Variants in SLC24A4 observed in about 807,000 individuals in gnomAD.
SLC24A4 encodes sodium/potassium/calcium exchanger 4.
Under a neutral mutation model 79.0 loss-of-function variants are expected in SLC24A4, and 53 were observed. That is an observed-to-expected ratio of 0.67 (90% CI 0.54 to 0.84). The LOEUF is 0.84. SLC24A4 is among the 40% of genes least tolerant of loss of function. The pLI is 0.00. For synonymous variants in SLC24A4, 323 were observed against 323.8 expected, an observed-to-expected ratio of 1.00 and a Z score of 0.03; for missense variants, 731 against 822.0, an observed-to-expected ratio of 0.89 and a Z score of 1.35.
chr14:92,477,266 A>G (rs1894817642), intron 12 of SLC24A4, among the ~76,000 whole-genome samples: 1 of 152,052 alleles, frequency 6.6e-6, no homozygotes, highest in South Asian at 2.1e-4. Context: ...CCTAATGACC[A>G]TTTTCTTTGG....
chr14:92,475,111 T>C (rs2139903600), intron 12 of SLC24A4, among the ~76,000 whole-genome samples: 1 of 152,026 alleles, frequency 6.6e-6, no homozygotes, highest in East Asian at 1.9e-4. Context: ...GTCCCCAGTG[T>C]ACTGTTGTCA....
At chr14:92,366,781 G>A (rs1595171312) in intron 2 of SLC24A4, among the ~76,000 whole-genome samples, 1 of 152,168 alleles carries the variant, frequency 6.6e-6, no homozygotes, top group African/African-American at 2.4e-5. Context: ...ATGTTTTTCT[G>A]TGGGTTTTCG....
At position 92,498,215 on chromosome 14, in the gene SLC24A4, TC is replaced by T. The variant is rs1389200080; in HGVS notation, c.*4589del. 6.6e-6 allele frequency: 1 copy of T among 152,252 alleles called. No homozygotes were observed. Among genetic ancestry groups the T allele is most frequent in the Non-Finnish European group, 1.5e-5 (1 of 68,068 alleles). 9.4% of individuals were successfully genotyped at this position (152,252 alleles called of 1,614,324 possible). A position where few individuals can be genotyped will look rare whatever the true frequency, so the allele number is the denominator to read the frequency against. On this transcript the variant is annotated 3_prime_UTR_variant, in exon 17 of 17. Coordinates refer to ENST00000532405, the MANE Select transcript of SLC24A4 (RefSeq NM_153646.4). ...AGGATTTCCTGGTCTCTGTAGCTGA[TC>T]CTGTGAGCCCCTCAAGCATGAAGCC...
rs566339478 is a variant in SLC24A4 at position 92,495,082 on chromosome 14, A to G, written c.*1454A>G. ...ACGGATGAATGTATGGGAACTACCC[A>G]TGATGATGTAAGAGGAAAGAACATT... On this transcript the variant is annotated 3_prime_UTR_variant, in exon 17 of 17. Transcript: ENST00000532405. 8 of 152,764 alleles carry G rather than the reference A, an allele frequency of 5.2e-5. No individual in the cohort carries two copies. In the South Asian group the frequency reaches 1.7e-3, roughly 32 times the overall value. 9.5% of individuals were successfully genotyped at this position (152,764 alleles called of 1,614,324 possible).
Position 92,387,126 on chromosome 14 carries a change from A to C in SLC24A4, c.242-46786A>C, listed in dbSNP as rs545085200. ...ACAGTAGGGGTGGGGTGGGGGTTCC[A>C]AGGGGGCAACTGGGCAGGGGGTACA... On this transcript the variant is annotated intron_variant, in intron 2 of 16. Coordinates refer to ENST00000532405, the MANE Select transcript of SLC24A4 (RefSeq NM_153646.4). Among the ~76,000 whole-genome samples, 653 of 149,776 alleles carry C rather than the reference A, an allele frequency of 4.4e-3. 1 individual carries two copies. The highest frequency in any genetic ancestry group is 7.4e-3 in the Non-Finnish European group (502 of 67,446).
Position 92,392,169 on chromosome 14 carries a change from A to G in SLC24A4, c.242-41743A>G, listed in dbSNP as rs144669595. Among the ~76,000 whole-genome samples, 12 of 151,462 alleles carry G rather than the reference A, an allele frequency of 7.9e-5. No individual in the cohort carries two copies. In the East Asian group the frequency reaches 2.1e-3, roughly 27 times the overall value. On this transcript the variant is annotated intron_variant, in intron 2 of 16. Transcript: ENST00000532405. ...CATTATCGGAAACTCTTTGTAGACT[A>G]TAGGTGTCTGGGGTAAGGCAGGACT...
chr14:92,380,247 T>C (rs1295256973), intron 2 of SLC24A4, among the ~76,000 whole-genome samples: 1 of 152,180 alleles, frequency 6.6e-6, no homozygotes, highest in East Asian at 1.9e-4. Flanking sequence ...TCTGTCCTCA[T>C]TAAACAGAGA....
Position 92,441,235 on chromosome 14 carries a change from A to C in SLC24A4, c.394-854A>C, listed in dbSNP as rs1434784479. On this transcript the variant is annotated intron_variant, in intron 4 of 16. Coordinates refer to ENST00000532405, the MANE Select transcript of SLC24A4 (RefSeq NM_153646.4). The surrounding 1 kb of genome is among the most constrained non-coding windows in gnomAD (Gnocchi z 4.6). ...TCCTGAGAGGCCTTCTGAGAACCGC[A>C]GAGTGGGCGCCTCCAGATTGGTTTT... Among the ~76,000 whole-genome samples, 1 of 152,168 alleles carries C rather than the reference A, an allele frequency of 6.6e-6. No individual in the cohort carries two copies. Among genetic ancestry groups the C allele is most frequent in the Admixed American group, 6.5e-5 (1 of 15,282 alleles).
intron 14 of SLC24A4, among the ~76,000 whole-genome samples, chr14:92,487,494 A>G (rs1895434942): frequency 2.0e-5 from 3 of 152,196 alleles, no homozygotes; most frequent in African/African-American, 7.2e-5. Flanking sequence ...GAAGAGAGAC[A>G]GGACGTGTTA....
chr14:92,454,163 C>T, intron 11 of SLC24A4, 94 bp downstream of exon 11: 5 of 1,364,178 alleles, frequency 3.7e-6, no homozygotes, highest in Non-Finnish European at 5.0e-6. Context: ...GATCACTGCA[C>T]CTGTTTAAGG....
intron 12 of SLC24A4, among the ~76,000 whole-genome samples, chr14:92,475,631 T>G (rs1894720715): frequency 6.6e-6 from 1 of 151,416 alleles, no homozygotes; most frequent in Admixed American, 6.6e-5. Flanking sequence ...AGGCTGGGAG[T>G]TGAGAGGGTT....
At chr14:92,382,582 C>T (rs977842640) in intron 2 of SLC24A4, among the ~76,000 whole-genome samples, 1 of 152,188 alleles carries the variant, frequency 6.6e-6, no homozygotes, top group Non-Finnish European at 1.5e-5. Flanking sequence ...TTAATGCCCA[C>T]ACCCTATGAG....
chr14:92,420,434 G>C (rs777548472), intron 2 of SLC24A4, among the ~76,000 whole-genome samples: 1 of 151,976 alleles, frequency 6.6e-6, no homozygotes, highest in Non-Finnish European at 1.5e-5. Context: ...AGCCAAGATC[G>C]TGCCACTGCA....
chr14:92,328,838 G>A (rs1288331893), intron 2 of SLC24A4, among the ~76,000 whole-genome samples: 2 of 152,266 alleles, frequency 1.3e-5, no homozygotes. Context: ...CCTCCGGAGG[G>A]AGGGGACTGA....
intron 2 of SLC24A4, among the ~76,000 whole-genome samples, chr14:92,359,602 A>G (rs73333725): frequency 0.077 from 11,382 of 147,616 alleles, 454 homozygotes; most frequent in African/African-American, 0.12. Context: ...ATTTCAAAAG[A>G]AAAAAAAAAG....
At chr14:92,426,324 A>G (rs544930357) in intron 2 of SLC24A4, among the ~76,000 whole-genome samples, 1 of 152,112 alleles carries the variant, frequency 6.6e-6, no homozygotes, top group Non-Finnish European at 1.5e-5. Flanking sequence ...TGTGGAGATC[A>G]CATGGTGAGA....
intron 2 of SLC24A4, among the ~76,000 whole-genome samples, chr14:92,327,949 T>C (rs758577789): frequency 2.9e-4 from 44 of 152,206 alleles, no homozygotes; most frequent in Non-Finnish European, 2.6e-4. Context: ...TGCATAGATA[T>C]GGGTCGAATG....
At chr14:92,434,120 A>G in intron 3 of SLC24A4, 132 bp downstream of exon 3, 3 of 725,456 alleles carry the variant, frequency 4.1e-6, no homozygotes, top group Non-Finnish European at 2.5e-6. Flanking sequence ...GAGACTGGGC[A>G]TGTTTTACCC....
intron 13 of SLC24A4, chr14:92,483,617 A>G (rs752461907): frequency 3.1e-6 from 2 of 647,180 alleles, no homozygotes; most frequent in African/African-American, 3.7e-5. Flanking sequence ...ACAAGTCCCC[A>G]TGTAAACCTT....
Sources: allele counts gnomAD v4.1 joint callset (sites outside exome capture counted in the v4.1 genomes callset), GRCh38; gene constraint gnomAD v4.1.1; non-coding constraint Gnocchi (gnomAD v3.1); transcripts MANE v1.5; gene names NCBI Gene and HGNC (gene_info 2026-07-23, HGNC 2026-07-21).